The following RPS6KC1 variants were observed in gnomAD, a reference collection of about 807,000 sequenced individuals.
RPS6KC1 encodes the protein ribosomal protein S6 kinase C1.
Under a neutral mutation model 103.8 loss-of-function variants are expected in RPS6KC1, and 54 were observed. The ratio of observed to expected loss-of-function variants is 0.52; its 90% confidence interval spans 0.42 to 0.65. The LOEUF (loss-of-function observed/expected upper bound fraction) is 0.65. Among genes scored for constraint, RPS6KC1 ranks in the 30% least tolerant of loss-of-function variants. The pLI is 0.00. For synonymous variants in RPS6KC1, 439 were observed against 438.7 expected, an observed-to-expected ratio of 1.00 and a Z score of -0.01; for missense variants, 1,151 against 1,253.8, an observed-to-expected ratio of 0.92 and a Z score of 1.24.
the RPS6KC1 span, among the ~76,000 whole-genome samples, chr1:213,605,103 A>G: frequency 6.6e-6 from 1 of 152,152 alleles, no homozygotes; most frequent in Non-Finnish European, 1.5e-5. Flanking sequence ...TTTCTCTGTC[A>G]TGGTGCCCTT....
intron 6 of RPS6KC1, among the ~76,000 whole-genome samples, chr1:213,142,841 C>A (rs954290242): frequency 6.6e-6 from 1 of 152,014 alleles, no homozygotes; most frequent in African/African-American, 2.4e-5. Flanking sequence ...CTATTGCACT[C>A]GTAGTACACT....
chr1:213,505,413 A>T, the RPS6KC1 span, among the ~76,000 whole-genome samples: 4 of 152,180 alleles, frequency 2.6e-5, no homozygotes, highest in African/African-American at 9.7e-5. Flanking sequence ...GATTGTCTGG[A>T]TTCGAATCCC....
the RPS6KC1 span, among the ~76,000 whole-genome samples, chr1:213,456,871 G>A: frequency 8.5e-5 from 13 of 152,092 alleles, no homozygotes; most frequent in Admixed American, 2.0e-4. Context: ...ACAGAATTTT[G>A]TATGTAGTTT....
At chr1:213,407,209 TGCACGCGC>T in the RPS6KC1 span, among the ~76,000 whole-genome samples, 2 of 79,804 alleles carry the variant, frequency 2.5e-5, no homozygotes, top group African/African-American at 1.3e-4. Flanking sequence ...TAATATTACA[TGCACGCGC>T]GCACACACAC....
At chr1:213,152,131 G>A (rs1372485291) in intron 6 of RPS6KC1, among the ~76,000 whole-genome samples, 7 of 139,580 alleles carry the variant, frequency 5.0e-5, no homozygotes, top group East Asian at 4.6e-4. Context: ...AGGGGCGGCC[G>A]GGCAGAGGCG....
At chr1:213,264,250 A>G (rs996232048) in intron 14 of RPS6KC1, among the ~76,000 whole-genome samples, 4 of 152,182 alleles carry the variant, frequency 2.6e-5, no homozygotes, top group Non-Finnish European at 5.9e-5. Context: ...TAAAGAAACA[A>G]TCAGGTTGGA....
chr1:213,607,736 A>T, the RPS6KC1 span, among the ~76,000 whole-genome samples: 8 of 149,548 alleles, frequency 5.3e-5, no homozygotes, highest in African/African-American at 2.0e-4. Context: ...CAAAATAAAT[A>T]AAAAAGAGGT....
chr1:213,246,166 A>G (rs998418270), intron 12 of RPS6KC1, among the ~76,000 whole-genome samples: 1 of 152,138 alleles, frequency 6.6e-6, no homozygotes, highest in Non-Finnish European at 1.5e-5. Flanking sequence ...TTTTCAAAGT[A>G]GAAGCCATTC....
chr1:213,229,535 A>G (rs2094039800), intron 8 of RPS6KC1, among the ~76,000 whole-genome samples: 2 of 152,228 alleles, frequency 1.3e-5, no homozygotes, highest in South Asian at 4.1e-4. Context: ...CAGAGACTGC[A>G]TAGGCCTGCG....
At chr1:213,677,107 A>C in the RPS6KC1 span, among the ~76,000 whole-genome samples, 2 of 152,226 alleles carry the variant, frequency 1.3e-5, no homozygotes, top group African/African-American at 4.8e-5. Context: ...AATGAAAATG[A>C]CAACTCGACA....
the RPS6KC1 span, among the ~76,000 whole-genome samples, chr1:213,715,926 A>G: frequency 6.6e-5 from 10 of 152,312 alleles, no homozygotes; most frequent in Non-Finnish European, 1.2e-4. Flanking sequence ...AATGCTTTTA[A>G]ATATGCAAAC....
At chr1:213,372,086 T>C in the RPS6KC1 span, among the ~76,000 whole-genome samples, 1 of 152,196 alleles carries the variant, frequency 6.6e-6, no homozygotes, top group Non-Finnish European at 1.5e-5. Context: ...AGGAATTCTG[T>C]TGTAATGGAG....
chr1:213,268,836 C>A (rs2094973531), intron 14 of RPS6KC1, among the ~76,000 whole-genome samples: 1 of 150,296 alleles, frequency 6.7e-6, no homozygotes. Context: ...GATACAGCAA[C>A]CACTTAAAAA....
At chr1:213,564,241 A>G in the RPS6KC1 span, among the ~76,000 whole-genome samples, 1 of 152,180 alleles carries the variant, frequency 6.6e-6, no homozygotes, top group Non-Finnish European at 1.5e-5. Flanking sequence ...GTACACAGGC[A>G]TATTTTTTCT....
chr1:213,476,160 C>T, the RPS6KC1 span, among the ~76,000 whole-genome samples: 22 of 152,250 alleles, frequency 1.4e-4, no homozygotes, highest in South Asian at 1.9e-3. Flanking sequence ...GAAACCTCCC[C>T]GGCTGTAAAC....
the RPS6KC1 span, among the ~76,000 whole-genome samples, chr1:213,710,228 G>A: frequency 6.6e-6 from 1 of 152,186 alleles, no homozygotes; most frequent in Non-Finnish European, 1.5e-5. Context: ...ATTTAGGATA[G>A]TCAGCTCTTC....
At chr1:213,106,044 T>A (rs1442055492) in intron 4 of RPS6KC1, among the ~76,000 whole-genome samples, 1 of 152,204 alleles carries the variant, frequency 6.6e-6, no homozygotes, top group Non-Finnish European at 1.5e-5. Flanking sequence ...TGATTGTAAT[T>A]GTTGCTGGAA....
At chr1:213,569,510 T>G in the RPS6KC1 span, among the ~76,000 whole-genome samples, 1 of 152,190 alleles carries the variant, frequency 6.6e-6, no homozygotes, top group Non-Finnish European at 1.5e-5. Flanking sequence ...CTCTTTTGTG[T>G]AAACTCATAA....
At chr1:213,398,456 A>G in the RPS6KC1 span, among the ~76,000 whole-genome samples, 17 of 152,028 alleles carry the variant, frequency 1.1e-4, no homozygotes, top group African/African-American at 3.4e-4. Flanking sequence ...CCACCTATCT[A>G]TCTCATGGTG....
Sources: gnomAD v4.1 joint callset for allele counts (sites outside exome capture counted in the v4.1 genomes callset) on GRCh38, gnomAD v4.1.1 for gene constraint, MANE v1.5 for transcripts, NCBI Gene and HGNC (gene_info 2026-07-23, HGNC 2026-07-21) for gene names.